Variants in CDH12 observed in about 807,000 individuals in gnomAD.
The protein encoded by CDH12 is cadherin-12.
In CDH12, 41 loss-of-function variants were observed where a neutral mutation model predicts 74.1. That is an observed-to-expected ratio of 0.55 (90% CI 0.43 to 0.72). CDH12 has a LOEUF of 0.72. CDH12 is among the 30% of genes least tolerant of loss of function. The pLI, the probability that CDH12 is intolerant of heterozygous loss-of-function variation, is 0.00. For synonymous variants in CDH12, 399 were observed against 355.0 expected (o/e 1.12, Z -1.39); for missense variants, 945 against 977.2 (o/e 0.97, Z 0.44).
intron 3 of CDH12, among the ~76,000 whole-genome samples, chr5:22,387,270 TA>T (rs34306714): frequency 0.022 from 3,269 of 151,954 alleles, 45 homozygotes; most frequent in South Asian, 0.029. Flanking sequence ...TTACAATTTT[TA>T]AAAAAAATTT....
intron 3 of CDH12, among the ~76,000 whole-genome samples, chr5:22,328,384 T>G (rs1358409453): frequency 1.3e-5 from 2 of 152,344 alleles, no homozygotes; most frequent in African/African-American, 4.8e-5. Flanking sequence ...TTTGTTTATT[T>G]GTTCACCACA....
chr5:22,844,033 T>C (rs1180094118), intron 1 of CDH12, among the ~76,000 whole-genome samples: 1 of 152,064 alleles, frequency 6.6e-6, no homozygotes, highest in Non-Finnish European at 1.5e-5. Flanking sequence ...TGCTTATTTG[T>C]ATACAACCTG....
chr5:21,892,313 T>C (rs961038666), intron 6 of CDH12, among the ~76,000 whole-genome samples: 2 of 152,174 alleles, frequency 1.3e-5, no homozygotes, highest in Non-Finnish European at 2.9e-5. Context: ...TTATCAATCA[T>C]GGTGATGAGC....
Position 22,057,407 on chromosome 5 carries a change from T to C in CDH12, c.231+21039A>G, listed in dbSNP as rs139234757. On this transcript the variant is annotated intron_variant, in intron 5 of 14. Coordinates refer to ENST00000382254, the MANE Select transcript of CDH12 (RefSeq NM_004061.5). ...GGACAGCATGAGCAGGAACAGCCAT[T>C]AAGCAGCGAAGCAAATTAAAGGATG... 2.3e-3 allele frequency among the ~76,000 whole-genome samples: 345 copies of C among 152,236 alleles called. 10 individuals carry two copies. The highest frequency in any genetic ancestry group is 4.6e-4 in the Non-Finnish European group (31 of 68,024).
chr5:21,976,416 C>A (rs1425901307), intron 5 of CDH12, among the ~76,000 whole-genome samples: 1 of 151,356 alleles, frequency 6.6e-6, no homozygotes, highest in Non-Finnish European at 1.5e-5. Context: ...CAGTCTTAAA[C>A]GTATATAAAT....
At chr5:22,376,555 A>G (rs1741532481) in intron 3 of CDH12, among the ~76,000 whole-genome samples, 1 of 152,098 alleles carries the variant, frequency 6.6e-6, no homozygotes, top group Non-Finnish European at 1.5e-5. Context: ...TTTTTGAGAC[A>G]GGGTCTCACT....
intron 2 of CDH12, among the ~76,000 whole-genome samples, chr5:22,465,007 A>G (rs562203759): frequency 8.1e-6 from 1 of 122,992 alleles, no homozygotes; most frequent in Non-Finnish European, 1.6e-5. Flanking sequence ...TTAAAAAGAG[A>G]GAGAGAGAGA....
At chr5:22,664,491 C>A (rs1740511262) in intron 1 of CDH12, among the ~76,000 whole-genome samples, 1 of 152,060 alleles carries the variant, frequency 6.6e-6, no homozygotes, top group South Asian at 2.1e-4. Flanking sequence ...GAAAACTGCC[C>A]CTGTGATTCA....
intron 5 of CDH12, among the ~76,000 whole-genome samples, chr5:21,981,841 C>A (rs549113644): frequency 1.3e-5 from 2 of 152,120 alleles, no homozygotes; most frequent in African/African-American, 4.8e-5. Context: ...GCTAATTTTT[C>A]TATTTTTTTA....
intron 1 of CDH12, among the ~76,000 whole-genome samples, chr5:22,643,326 G>A (rs1739249605): frequency 6.6e-6 from 1 of 152,050 alleles, no homozygotes. Flanking sequence ...TCCCAACTGA[G>A]CTCCTGAAAT....
rs72748709 is a variant in CDH12, at chr5:22,718,348, C to T, written c.-523+134710G>A. Among the ~76,000 whole-genome samples, 1,436 of 152,252 alleles carry T rather than the reference C, an allele frequency of 9.4e-3. 17 individuals are homozygous for T. The highest frequency in any genetic ancestry group is 0.017 in the Middle Eastern group (5 of 294). ...TCTAGTAATTTATGAATGGTACATG[C>T]TTTACATAAATGTGAAAAAGGTGCC... is the stretch of plus-strand genomic sequence containing the variant. On this transcript the variant is annotated intron_variant, in intron 1 of 14. Transcript: ENST00000382254.
intron 1 of CDH12, among the ~76,000 whole-genome samples, chr5:22,754,173 G>C (rs967876831): frequency 6.6e-6 from 1 of 152,138 alleles, no homozygotes; most frequent in African/African-American, 2.4e-5. Flanking sequence ...GAAAGAAATT[G>C]AATCAGTAAA....
At chr5:22,266,666 T>C (rs1028281159) in intron 3 of CDH12, among the ~76,000 whole-genome samples, 2 of 152,088 alleles carry the variant, frequency 1.3e-5, no homozygotes, top group Admixed American at 1.3e-4. Context: ...TGAACATATA[T>C]TTGGATTAGA....
At chr5:22,098,336 C>A (rs1561107591) in intron 4 of CDH12, among the ~76,000 whole-genome samples, 2 of 152,274 alleles carry the variant, frequency 1.3e-5, no homozygotes, top group East Asian at 3.9e-4. Flanking sequence ...TCCCAAACCC[C>A]AATCCCTTCT....
At chr5:22,337,073 G>A (rs1159822459) in intron 3 of CDH12, among the ~76,000 whole-genome samples, 1 of 152,198 alleles carries the variant, frequency 6.6e-6, no homozygotes, top group Non-Finnish European at 1.5e-5. Context: ...AGATCATTTT[G>A]GAGCTTTAAG....
intron 5 of CDH12, among the ~76,000 whole-genome samples, chr5:22,055,937 C>T (rs150210685): frequency 4.5e-4 from 68 of 152,158 alleles, no homozygotes; most frequent in African/African-American, 1.6e-3. Flanking sequence ...GATAAAAATA[C>T]ATAGTCATAA....
chr5:22,391,098 C>T (rs1017878887), intron 3 of CDH12, among the ~76,000 whole-genome samples: 14 of 152,044 alleles, frequency 9.2e-5, no homozygotes, highest in African/African-American at 3.1e-4. Context: ...GGATGATGCT[C>T]TAAGGTGGTG....
intron 1 of CDH12, among the ~76,000 whole-genome samples, chr5:22,634,564 G>A (rs1738738246): frequency 6.6e-6 from 1 of 152,010 alleles, no homozygotes. Flanking sequence ...TGTATTTGGT[G>A]TTACAACACA....
At chr5:22,043,902 T>A (rs1484701125) in intron 5 of CDH12, among the ~76,000 whole-genome samples, 5 of 152,078 alleles carry the variant, frequency 3.3e-5, no homozygotes, top group Admixed American at 3.3e-4. Context: ...AGCTACACAC[T>A]GAAGACTTTA....
Sources: gnomAD v4.1 joint callset for allele counts (sites outside exome capture counted in the v4.1 genomes callset) on GRCh38, gnomAD v4.1.1 for gene constraint, MANE v1.5 for transcripts, NCBI Gene and HGNC (gene_info 2026-07-23, HGNC 2026-07-21) for gene names.